The following FAIM variants were observed in gnomAD, a reference collection of about 807,000 sequenced individuals.
FAIM encodes the protein fas apoptotic inhibitory molecule 1.
In FAIM, 14 loss-of-function variants were observed where a neutral mutation model predicts 21.2. The ratio of observed to expected loss-of-function variants is 0.66; its 90% CI spans 0.44 to 1.03. The LOEUF is 1.03. Among genes scored for constraint, FAIM ranks in the 50% least tolerant of loss-of-function variants. FAIM has a pLI of 0.00. For missense variants in FAIM, 222 were observed against 247.1 expected, an observed-to-expected ratio of 0.90 and a Z score of 0.68; for synonymous variants, 86 against 80.4, an observed-to-expected ratio of 1.07 and a Z score of -0.37.
At chr3:138,611,280 G>GTTTTT (rs375232579) in intron 1 of FAIM, among the ~76,000 whole-genome samples, 1 of 141,450 alleles carries the variant, frequency 7.1e-6, no homozygotes. Context: ...TTCTTTTTTT[G>GTTTTT]TTTTTTTTTT....
rs186012821 is a variant in FAIM, at chr3:138,624,173, T to C, written c.406+1757T>C. 7.6e-4 allele frequency among the ~76,000 whole-genome samples: 116 copies of C among 152,318 alleles called. 1 individual carries two copies. The South Asian group carries it at 0.011, about 14-fold the overall frequency. ...TGGATCTCATTAATAATGGAAATTT[T>C]AGTTTTTAAAAGGATTATGATTAGT... On this transcript the variant is annotated intron_variant, in intron 4 of 5. Coordinates refer to ENST00000360570, the MANE Select transcript of FAIM (RefSeq NM_001033031.2).
At chr3:138,609,579 CT>C (rs2042740464) in intron 1 of FAIM, among the ~76,000 whole-genome samples, 3 of 3,678 alleles carry the variant, frequency 8.2e-4, no homozygotes, top group African/African-American at 2.4e-3. Context: ...TCTCTCTCGA[CT>C]CTCTCTCTCT....
intron 1 of FAIM, among the ~76,000 whole-genome samples, chr3:138,612,975 G>A (rs1305909462): frequency 6.8e-6 from 1 of 147,116 alleles, no homozygotes; most frequent in Non-Finnish European, 1.5e-5. Context: ...CCATTTGTAT[G>A]TCTTCTTTAG....
In FAIM at chr3:138,633,120, T is replaced by C. The variant is rs952015888; in HGVS notation, c.*41T>C. 1 of 1,577,608 alleles carries C rather than the reference T, an allele frequency of 6.3e-7. No individual in the cohort carries two copies. The highest frequency in any genetic ancestry group is 8.7e-7 in the Non-Finnish European group (1 of 1,152,504). ...AGAAGTAAAGATCAGGACTTTTTAA[T>C]TACTGTGGTAATTAAATGTGTTCAG... On this transcript the variant is annotated 3_prime_UTR_variant, in exon 6 of 6. Transcript: ENST00000360570.
Position 138,622,403 on chromosome 3 carries a change from T to C in FAIM, c.393T>C (p.Phe131=), listed in dbSNP as rs780747570. 18 of 1,598,714 alleles carry C rather than the reference T, an allele frequency of 1.1e-5. No individual in the cohort carries two copies. Among genetic ancestry groups the C allele is most frequent in the South Asian group, 1.0e-4 (9 of 86,604 alleles). The change falls in exon 4 of 6, where the codon TTT becomes TTC. Residue 131 remains phenylalanine, a synonymous_variant. Transcript: ENST00000360570. ...TWVLHMDGEN[F]RIVLEKDAMD... is the part of the protein sequence containing the mutation. ...TATTACACATGGATGGTGAGAACTT[T>C]AGAATTGTTTTGGGTAAGTTAGTGC... is the stretch of plus-strand genomic sequence containing the variant.
chr3:138,621,777 A>G lies in FAIM; in HGVS notation c.177+238A>G, dbSNP rs113217736. ...CTTGGCATCATAAATTAATAAAATTACATCTTTTTTTTTTCTTTTTTTTGA... is the reference window on the plus strand; with the variant it reads ...CTTGGCATCATAAATTAATAAAATTGCATCTTTTTTTTTTCTTTTTTTTGA... On this transcript the variant is annotated intron_variant, in intron 3 of 5. Coordinates refer to ENST00000360570, the MANE Select transcript of FAIM (RefSeq NM_001033031.2). 3.5e-3 allele frequency among the ~76,000 whole-genome samples: 530 copies of G among 152,244 alleles called. 2 individuals are homozygous for G. The highest frequency in any genetic ancestry group is 0.012 in the African/African-American group (507 of 41,544).
At chr3:138,609,074 G>T in intron 1 of FAIM, 137 bp downstream of exon 1, 1 of 153,504 alleles carries the variant, frequency 6.5e-6, no homozygotes, top group South Asian at 2.0e-4. Flanking sequence ...CTGCGCCGGC[G>T]GCGGCCATCT....
At chr3:138,619,307 T>C (rs987597078) in intron 1 of FAIM, among the ~76,000 whole-genome samples, 2 of 152,152 alleles carry the variant, frequency 1.3e-5, no homozygotes, top group Admixed American at 6.6e-5. Flanking sequence ...TATCCTGGAG[T>C]TTGATGTATT....
rs1399933251 is a variant in FAIM at position 138,619,785 on chromosome 3, T to C, written c.44+15T>C. 1 of 1,607,204 alleles carries C rather than the reference T, an allele frequency of 6.2e-7. No homozygotes were observed. Among genetic ancestry groups the C allele is most frequent in the Non-Finnish European group, 8.5e-7 (1 of 1,174,730 alleles). The stretch of plus-strand genomic sequence containing the variant: ...GATGATGAAAGGTAAATGTCTTATA[T>C]TGCAGTAAACTAGCCTTTGACATTT... On this transcript the variant is annotated intron_variant, in intron 2 of 5. Transcript: ENST00000360570.
chr3:138,610,950 T>G, intron 1 of FAIM: 2 of 1,612,620 alleles, frequency 1.2e-6, no homozygotes, highest in Non-Finnish European at 1.7e-6. Context: ...TATGGCCCAT[T>G]CTATCCTATG....
intron 2 of FAIM, among the ~76,000 whole-genome samples, chr3:138,620,585 T>A (rs1484986260): frequency 1.3e-5 from 2 of 152,150 alleles, no homozygotes; most frequent in African/African-American, 4.8e-5. Context: ...AGCCTCAACC[T>A]CCTGGGCTAA....
chr3:138,625,124 C>T (rs2042926059), intron 4 of FAIM, among the ~76,000 whole-genome samples: 1 of 151,864 alleles, frequency 6.6e-6, no homozygotes, highest in Non-Finnish European at 1.5e-5. Flanking sequence ...TAAATTGCAC[C>T]ACTGCATTCC....
At chr3:138,621,127 C>A in intron 2 of FAIM, 1 of 341,428 alleles carries the variant, frequency 2.9e-6, no homozygotes. Context: ...GAATACTGAC[C>A]AGGATAAACT....
chr3:138,623,739 G>C (rs1386248100), intron 4 of FAIM, among the ~76,000 whole-genome samples: 1 of 152,098 alleles, frequency 6.6e-6, no homozygotes, highest in South Asian at 2.1e-4. Context: ...CAAGTCTGCT[G>C]CTTTGTGGCC....
chr3:138,612,659 C>T (rs1016673677), intron 1 of FAIM, among the ~76,000 whole-genome samples: 2 of 152,140 alleles, frequency 1.3e-5, no homozygotes, highest in Non-Finnish European at 2.9e-5. Flanking sequence ...ATACAGGTGT[C>T]TGAGTGGCTG....
intron 4 of FAIM, among the ~76,000 whole-genome samples, chr3:138,622,811 G>T (rs2042902208): frequency 6.6e-6 from 1 of 152,074 alleles, no homozygotes; most frequent in Admixed American, 6.6e-5. Context: ...GGCTGAGGCG[G>T]GTGGATCACC....
chr3:138,616,033 C>T (rs1006197006), intron 1 of FAIM, among the ~76,000 whole-genome samples: 1 of 152,164 alleles, frequency 6.6e-6, no homozygotes, highest in African/African-American at 2.4e-5. Flanking sequence ...ATTATTGGCA[C>T]CCTCTACAGC....
chr3:138,619,919 G>A (rs912782417), intron 2 of FAIM, 149 bp downstream of exon 2: 2 of 754,894 alleles, frequency 2.6e-6, no homozygotes, highest in Non-Finnish European at 4.1e-6. Flanking sequence ...TTTAAAGCAG[G>A]AGTAGTAAAT....
intron 5 of FAIM, among the ~76,000 whole-genome samples, chr3:138,632,218 G>A (rs905559309): frequency 6.7e-6 from 1 of 150,306 alleles, no homozygotes; most frequent in African/African-American, 2.5e-5. Context: ...AATTTTAGGT[G>A]AAGTTAAATA....
Sources: allele counts gnomAD v4.1 joint callset (sites outside exome capture counted in the v4.1 genomes callset), GRCh38; gene constraint gnomAD v4.1.1; transcripts MANE v1.5; gene names NCBI Gene and HGNC (gene_info 2026-07-23, HGNC 2026-07-21).